The following ARMH4 variants were observed in gnomAD, a reference collection of about 807,000 sequenced individuals.
The protein encoded by ARMH4 is armadillo like helical domain containing 4.
In ARMH4, 49 loss-of-function variants were observed where a neutral mutation model predicts 61.9. The observed-to-expected ratio is 0.79, with a 90% CI of 0.63 to 1.00. The LOEUF is 1.00. ARMH4 is among the 50% of genes least tolerant of loss of function. The probability of loss-of-function intolerance (pLI) is 0.00; values close to 1 mark genes in which losing one functional copy is unlikely to be tolerated. For synonymous variants in ARMH4, 368 were observed against 341.5 expected (o/e 1.08, Z -0.85); for missense variants, 934 against 930.0 (o/e 1.00, Z -0.06).
chr14:58,030,242 C>T (rs144282379), intron 5 of ARMH4, among the ~76,000 whole-genome samples: 29 of 152,276 alleles, frequency 1.9e-4, no homozygotes, highest in South Asian at 1.0e-3. Context: ...TGCCTCAGTG[C>T]CCATGTGATA....
chr14:58,109,206 T>C (rs1441082868), intron 4 of ARMH4, among the ~76,000 whole-genome samples: 1 of 152,252 alleles, frequency 6.6e-6, no homozygotes, highest in Non-Finnish European at 1.5e-5. Flanking sequence ...TTTTGTGTCA[T>C]ATCTAAAAAA....
chr14:58,138,035 C>G lies in ARMH4; in HGVS notation c.1324G>C (p.Val442Leu). 1 of 1,614,116 alleles carries G rather than the reference C, an allele frequency of 6.2e-7. No homozygotes were observed. The highest frequency in any genetic ancestry group is 8.5e-7 in the Non-Finnish European group (1 of 1,180,016). Residue 442 changes from valine to leucine, a missense_variant, in exon 2 of 8, where the codon GTA (valine) becomes CTA (leucine). Coordinates refer to ENST00000267485, the MANE Select transcript of ARMH4 (RefSeq NM_001001872.4). ...FFLETTVSVS[V>L]YESEADQLLG... ...AGTTGGTCTGCCTCAGACTCATATA[C>G]AGAGACAGAAACAGTGGTTTCTAAG...
At chr14:58,064,927 A>T (rs1173239376) in intron 5 of ARMH4, among the ~76,000 whole-genome samples, 1 of 152,206 alleles carries the variant, frequency 6.6e-6, no homozygotes, top group Non-Finnish European at 1.5e-5. Flanking sequence ...GATGAATTCT[A>T]CAAGTCAAAC....
intron 5 of ARMH4, among the ~76,000 whole-genome samples, chr14:58,075,749 T>A (rs964115453): frequency 7.9e-5 from 12 of 152,150 alleles, no homozygotes; most frequent in Admixed American, 2.6e-4. Flanking sequence ...CTTAAAAGTA[T>A]AATAAAAATT....
chr14:58,057,673 A>G (rs1884390626), intron 5 of ARMH4, among the ~76,000 whole-genome samples: 1 of 152,144 alleles, frequency 6.6e-6, no homozygotes, highest in Non-Finnish European at 1.5e-5. Flanking sequence ...GAGACAAAAG[A>G]CCAGGGATTC....
At chr14:58,136,731 A>G (rs1207434348) in intron 2 of ARMH4, among the ~76,000 whole-genome samples, 1 of 152,146 alleles carries the variant, frequency 6.6e-6, no homozygotes, top group Non-Finnish European at 1.5e-5. Flanking sequence ...TTCCTTCCCA[A>G]TGTTGTTATC....
chr14:58,111,456 G>C (rs900487108), intron 4 of ARMH4, among the ~76,000 whole-genome samples: 1 of 152,188 alleles, frequency 6.6e-6, no homozygotes, highest in Non-Finnish European at 1.5e-5. Context: ...GATTGTGTTA[G>C]TAAGTTTGGG....
chr14:58,020,008 G>A (rs1240664433), intron 5 of ARMH4, among the ~76,000 whole-genome samples: 1 of 152,100 alleles, frequency 6.6e-6, no homozygotes, highest in Non-Finnish European at 1.5e-5. Flanking sequence ...GGGTAGGGAT[G>A]GGAGCCAGAA....
At chr14:58,021,692 T>C (rs986841977) in intron 5 of ARMH4, among the ~76,000 whole-genome samples, 1 of 152,032 alleles carries the variant, frequency 6.6e-6, no homozygotes, top group African/African-American at 2.4e-5. Flanking sequence ...TCCCCAACAT[T>C]TAAAGACCAG....
intron 5 of ARMH4, among the ~76,000 whole-genome samples, chr14:58,056,247 C>T (rs1400982103): frequency 2.0e-5 from 3 of 152,198 alleles, no homozygotes; most frequent in Non-Finnish European, 2.9e-5. Flanking sequence ...CTCAGCTCTG[C>T]TTCATTCCCA....
chr14:58,131,934 G>A (rs963309178), intron 3 of ARMH4, among the ~76,000 whole-genome samples: 1 of 152,184 alleles, frequency 6.6e-6, no homozygotes, highest in African/African-American at 2.4e-5. Context: ...ACAGGAAAAT[G>A]TATTATCTCT....
chr14:58,108,754 T>C (rs1292635390), intron 4 of ARMH4, among the ~76,000 whole-genome samples: 2 of 152,188 alleles, frequency 1.3e-5, no homozygotes, highest in Admixed American at 6.5e-5. Flanking sequence ...CTAGGGTACA[T>C]TCCTAAAAGT....
intron 5 of ARMH4, among the ~76,000 whole-genome samples, chr14:58,047,835 G>A (rs1193957092): frequency 1.3e-5 from 2 of 152,116 alleles, no homozygotes; most frequent in African/African-American, 4.8e-5. Context: ...TTAGGGACCC[G>A]CCAAGTCCCC....
chr14:58,052,706 C>T (rs1594724398), intron 5 of ARMH4, among the ~76,000 whole-genome samples: 1 of 152,120 alleles, frequency 6.6e-6, no homozygotes, highest in South Asian at 2.1e-4. Flanking sequence ...CCTCTGACCT[C>T]GCACCCTAGA....
Position 58,150,698 on chromosome 14 carries a change from T to C in ARMH4, c.-57+1377A>G, listed in dbSNP as rs564437512. On this transcript the variant is annotated intron_variant, in intron 1 of 7. Transcript: ENST00000267485. The stretch of plus-strand genomic sequence containing the variant: ...AGTTTCTATGAATAAACTCAACTAA[T>C]ATCAAATCTGTCTGCTGCACAAGTG... Among the ~76,000 whole-genome samples, 3 of 152,228 alleles carry C rather than the reference T, an allele frequency of 2.0e-5. No homozygotes were observed. In the East Asian group the frequency reaches 5.8e-4, roughly 29 times the overall value.
intron 5 of ARMH4, among the ~76,000 whole-genome samples, chr14:58,028,248 T>C (rs1883090416): frequency 6.6e-6 from 1 of 152,222 alleles, no homozygotes; most frequent in Non-Finnish European, 1.5e-5. Context: ...GGTGAACTTA[T>C]TTTTCATGGA....
chr14:58,050,183 G>A (rs766477705), intron 5 of ARMH4, among the ~76,000 whole-genome samples: 38 of 152,204 alleles, frequency 2.5e-4, no homozygotes, highest in African/African-American at 6.8e-4. Context: ...ACCTCTGTGC[G>A]TTGCTCTTTC....
In ARMH4 at chr14:58,152,177, C is replaced by T. The variant is rs555423525; in HGVS notation, c.-159G>A. On this transcript the variant is annotated 5_prime_UTR_variant, in exon 1 of 8. Transcript: ENST00000267485. Reference sequence around the variant, plus strand: ...CCTGCGGCGGCGGCGGCGGTAGCGGCGGCGACTCCCTCCGCTGTCTGGGAC... The same window carrying T: ...CCTGCGGCGGCGGCGGCGGTAGCGGTGGCGACTCCCTCCGCTGTCTGGGAC... 1.4e-3 allele frequency: 221 copies of T among 159,930 alleles called. 1 individual carries two copies. In the East Asian group the frequency reaches 0.022, roughly 16 times the overall value. 9.9% of individuals were successfully genotyped at this position (159,930 alleles called of 1,614,324 possible).
intron 5 of ARMH4, among the ~76,000 whole-genome samples, chr14:58,064,990 T>A (rs1438164466): frequency 6.6e-6 from 1 of 152,168 alleles, no homozygotes; most frequent in Non-Finnish European, 1.5e-5. Flanking sequence ...ATGCCTGTAA[T>A]CCCAGCACTT....
Sources: gnomAD v4.1 joint callset for allele counts (sites outside exome capture counted in the v4.1 genomes callset) on GRCh38, gnomAD v4.1.1 for gene constraint, MANE v1.5 for transcripts, NCBI Gene and HGNC (gene_info 2026-07-23, HGNC 2026-07-21) for gene names.